FOXO3: variants seen among roughly 807,000 people sequenced by gnomAD.
FOXO3 encodes forkhead box protein O3.
A neutral mutation model predicts 41.9 loss-of-function variants in FOXO3; 4 were observed. The ratio of observed to expected loss-of-function variants is 0.10; its 90% CI spans 0.05 to 0.22. The LOEUF (loss-of-function observed/expected upper bound fraction) is 0.22, where lower values mean the gene tolerates loss of function less well. FOXO3 is among the 10% of genes least tolerant of loss of function. The pLI, the probability that FOXO3 is intolerant of heterozygous loss-of-function variation, is 1.00. For missense variants in FOXO3, 534 were observed against 906.8 expected (o/e 0.59, Z 5.28); for synonymous variants, 318 against 389.3 (o/e 0.82, Z 2.16).
Position 108,662,384 on chromosome 6 carries a change from C to T in FOXO3, c.622-1071C>T, listed in dbSNP as rs142076680. On this transcript the variant is annotated intron_variant, in intron 1 of 2. Coordinates refer to ENST00000406360, the MANE Select transcript of FOXO3 (RefSeq NM_001455.4). ...TCCACTCTAAAGTTGCTCTTTTCCC[C>T]CCTTTTCATACTGTACTCTTTCTAA... is the stretch of plus-strand genomic sequence containing the variant. Among the ~76,000 whole-genome samples the T allele has an allele frequency of 9.0e-3, 1,376 of 152,300 alleles. 12 individuals carry two copies. Among genetic ancestry groups the T allele is most frequent in the Middle Eastern group, 0.02 (6 of 294 alleles).
At chr6:108,566,822 G>T (rs1468905069) in intron 1 of FOXO3, among the ~76,000 whole-genome samples, 1 of 152,244 alleles carries the variant, frequency 6.6e-6, no homozygotes, top group African/African-American at 2.4e-5. Flanking sequence ...TATAAAAGGA[G>T]CTGGGGATCA....
intron 1 of FOXO3, among the ~76,000 whole-genome samples, chr6:108,650,013 C>A (rs1292585932): frequency 1.3e-5 from 2 of 151,952 alleles, no homozygotes; most frequent in Admixed American, 6.5e-5. Flanking sequence ...TATTATGAGC[C>A]CACACATCGT....
chr6:108,627,495 T>G (rs112667501), intron 1 of FOXO3, among the ~76,000 whole-genome samples: 18 of 152,104 alleles, frequency 1.2e-4, no homozygotes, highest in African/African-American at 3.9e-4. Flanking sequence ...TGGTAAATTT[T>G]CCAGTCTTCT....
rs752283818 is a variant in FOXO3 at position 108,663,556 on chromosome 6, G to A, written c.723G>A (p.Gly241=). 19 of 1,613,744 alleles carry A rather than the reference G, an allele frequency of 1.2e-5. No individual in the cohort carries two copies. The highest frequency in any genetic ancestry group is 2.2e-5 in the South Asian group (2 of 91,074). ...GGTGGATCATCAACCCTGATGGGGG[G>A]AAGAGCGGAAAAGCCCCCCGGCGGC... The part of the protein sequence containing the change: ...SSWWIINPDG[G]KSGKAPRRRA... The change falls in exon 2 of 3, where the codon GGG becomes GGA. Residue 241 remains glycine (G), a synonymous_variant. Transcript: ENST00000406360.
At chr6:108,647,020 G>T (rs1193287417) in intron 1 of FOXO3, among the ~76,000 whole-genome samples, 1 of 152,154 alleles carries the variant, frequency 6.6e-6, no homozygotes, top group Non-Finnish European at 1.5e-5. Context: ...GCGTAGTACT[G>T]CACAAAAGAG....
At chr6:108,594,164 C>A (rs1002993184) in intron 1 of FOXO3, among the ~76,000 whole-genome samples, 3 of 152,132 alleles carry the variant, frequency 2.0e-5, no homozygotes, top group African/African-American at 7.2e-5. Context: ...TTCCCTCCCC[C>A]AAAAGTTGTG....
At chr6:108,560,835 C>A (rs904121013), upstream of FOXO3, 1 of 552,720 alleles carries the variant, frequency 1.8e-6, no homozygotes, top group Non-Finnish European at 2.7e-6. Context: ...GAGGGACCTG[C>A]GGCTGGGCGG....
intron 2 of FOXO3, among the ~76,000 whole-genome samples, chr6:108,671,002 G>A (rs1036876723): frequency 2.6e-5 from 4 of 152,216 alleles, no homozygotes; most frequent in East Asian, 3.8e-4. Flanking sequence ...TAAAGAATGC[G>A]TGGCCTAGTG....
chr6:108,620,065 A>G (rs1777624679), intron 1 of FOXO3, among the ~76,000 whole-genome samples: 1 of 152,210 alleles, frequency 6.6e-6, no homozygotes, highest in South Asian at 2.1e-4. Context: ...TTAGTGCAGA[A>G]GAGTTAAATA....
Position 108,563,748 on chromosome 6 carries a change from CTTG to C in FOXO3, c.621+1922_621+1924del, listed in dbSNP as rs1250069084. On this transcript the variant is annotated intron_variant, in intron 1 of 2. Coordinates refer to ENST00000406360, the MANE Select transcript of FOXO3 (RefSeq NM_001455.4). ...AAATAATTTAATTTCACAAATATTT[CTTG>C]TTATTTTGTTTATAGTTAAATATAA... Among the ~76,000 whole-genome samples the C allele has an allele frequency of 5.3e-5, 8 of 152,160 alleles. 1 individual carries two copies. In the South Asian group the frequency reaches 1.0e-3, roughly 20 times the overall value.
At chr6:108,653,113 A>G (rs1778589825) in intron 1 of FOXO3, among the ~76,000 whole-genome samples, 1 of 152,240 alleles carries the variant, frequency 6.6e-6, no homozygotes, top group South Asian at 2.1e-4. Flanking sequence ...TCAACCTGAG[A>G]ACAACCTAGA....
rs563272304 is a variant in FOXO3 at position 108,664,581 on chromosome 6, T to A, written c.1748T>A (p.Leu583His). Residue 583 changes from leucine to histidine, a missense_variant, in exon 2 of 3, where the codon CTC (leucine) becomes CAC (histidine). Around this residue, in one of 8 missense-constraint regions of FOXO3, gnomAD observed 94 missense variants for 214.4 expected, o/e 0.44. Coordinates refer to ENST00000406360, the MANE Select transcript of FOXO3 (RefSeq NM_001455.4). ...CCTGTCAGCCAGTCTATGCAAACCCTCTCGGACTCTCTCTCAGGCTCCTCC... is the reference window on the plus strand; with the variant it reads ...CCTGTCAGCCAGTCTATGCAAACCCACTCGGACTCTCTCTCAGGCTCCTCC... ...QSPVSQSMQT[L>H]SDSLSGSSLY... 1.0e-6 allele frequency: 1 copy of A among 984,728 alleles called. No homozygotes were observed. The highest frequency in any genetic ancestry group is 1.8e-5 in the Admixed American group (1 of 56,936). 61.0% of individuals were successfully genotyped at this position (984,728 alleles called of 1,614,324 possible).
At chr6:108,661,289 A>G (rs963715536) in intron 1 of FOXO3, among the ~76,000 whole-genome samples, 3 of 152,114 alleles carry the variant, frequency 2.0e-5, no homozygotes, top group African/African-American at 7.2e-5. Flanking sequence ...TGTATCTTCT[A>G]CATGAATACA....
intron 1 of FOXO3, among the ~76,000 whole-genome samples, chr6:108,662,066 T>C (rs911857411): frequency 6.6e-6 from 1 of 152,198 alleles, no homozygotes; most frequent in African/African-American, 2.4e-5. Flanking sequence ...AATGTTTTTT[T>C]TTGTTCCAGG....
chr6:108,578,962 C>T (rs757334983), intron 1 of FOXO3, among the ~76,000 whole-genome samples: 21 of 152,164 alleles, frequency 1.4e-4, no homozygotes, highest in Non-Finnish European at 2.8e-4. Flanking sequence ...TATCATTGGA[C>T]TCTGTAGTCC....
intron 1 of FOXO3, among the ~76,000 whole-genome samples, chr6:108,616,795 T>C (rs1033821644): frequency 4.6e-5 from 7 of 152,338 alleles, no homozygotes; most frequent in Admixed American, 2.0e-4. Context: ...TCATTTCCCA[T>C]GTACCCCACT....
chr6:108,604,734 T>A (rs1245181946), intron 1 of FOXO3, among the ~76,000 whole-genome samples: 1 of 152,150 alleles, frequency 6.6e-6, no homozygotes, highest in Non-Finnish European at 1.5e-5. Flanking sequence ...TTGTTGCTTT[T>A]TGCTTTTCAG....
chr6:108,592,598 G>A (rs1454452522), intron 1 of FOXO3, among the ~76,000 whole-genome samples: 1 of 152,250 alleles, frequency 6.6e-6, no homozygotes, highest in Admixed American at 6.5e-5. Context: ...TTTTAAGTAG[G>A]GGTTCTGGTG....
At chr6:108,645,970 CT>C (rs939609952) in intron 1 of FOXO3, among the ~76,000 whole-genome samples, 13 of 152,094 alleles carry the variant, frequency 8.5e-5, no homozygotes, top group African/African-American at 3.1e-4. Context: ...TTAGGTTTGG[CT>C]AATGGAAAAC....
Sources: gnomAD v4.1 joint callset for allele counts (sites outside exome capture counted in the v4.1 genomes callset) on GRCh38, gnomAD v4.1.1 for gene constraint, gnomAD v4.1.1 regional missense constraint, MANE v1.5 for transcripts, NCBI Gene and HGNC (gene_info 2026-07-23, HGNC 2026-07-21) for gene names.